Variants in CCDC192 observed in about 807,000 individuals in gnomAD.
CCDC192 encodes the protein coiled-coil domain-containing protein 192.
chr5:127,836,640 A>ACTTTGTGCACAG (rs1561515436), intron 5 of CCDC192, among the ~76,000 whole-genome samples: 1 of 84,962 alleles, frequency 1.2e-5, no homozygotes, highest in Non-Finnish European at 2.9e-5. Context: ...GTGCACCTGC[A>ACTTTGTGCACAG]GGCTCAACAC....
intron 3 of CCDC192, among the ~76,000 whole-genome samples, chr5:127,754,740 A>G (rs914349909): frequency 6.6e-6 from 1 of 152,270 alleles, no homozygotes; most frequent in Non-Finnish European, 1.5e-5. Context: ...GATAAGCTCA[A>G]AGATAAAATA....
At chr5:127,833,999 AAG>A (rs1298770533) in intron 5 of CCDC192, among the ~76,000 whole-genome samples, 3 of 152,266 alleles carry the variant, frequency 2.0e-5, no homozygotes, top group Non-Finnish European at 4.4e-5. Context: ...ACTTTGACAT[AAG>A]AATTATTTTG....
At chr5:127,936,584 GAA>G (rs1754191969) in intron 6 of CCDC192, among the ~76,000 whole-genome samples, 1 of 67,166 alleles carries the variant, frequency 1.5e-5, no homozygotes. Flanking sequence ...AGTCATAGAA[GAA>G]AGAGGGAAAA....
At chr5:127,885,573 G>T (rs190423362) in intron 6 of CCDC192, among the ~76,000 whole-genome samples, 30 of 152,254 alleles carry the variant, frequency 2.0e-4, no homozygotes, top group African/African-American at 6.7e-4. Context: ...TAGTAACTCA[G>T]TGTTTCCTTA....
chr5:127,707,141 AAAAG>A (rs1349393639), intron 1 of CCDC192, among the ~76,000 whole-genome samples: 1 of 152,228 alleles, frequency 6.6e-6, no homozygotes, highest in African/African-American at 2.4e-5. Context: ...GCTTTAGCAA[AAAAG>A]AAAGAAAACT....
chr5:127,830,912 CAT>C (rs934036471), intron 5 of CCDC192, among the ~76,000 whole-genome samples: 8 of 152,160 alleles, frequency 5.3e-5, no homozygotes, highest in Non-Finnish European at 8.8e-5. Flanking sequence ...ATCTTAAGGA[CAT>C]ATTTTGGCAA....
At chr5:127,899,300 A>C (rs1752978333) in intron 6 of CCDC192, among the ~76,000 whole-genome samples, 2 of 152,144 alleles carry the variant, frequency 1.3e-5, no homozygotes, top group Non-Finnish European at 2.9e-5. Flanking sequence ...TGTTCAAGAA[A>C]AGCAGTGGAA....
intron 2 of CCDC192, among the ~76,000 whole-genome samples, chr5:127,742,519 A>G (rs1457716188): frequency 6.6e-6 from 1 of 152,092 alleles, no homozygotes; most frequent in East Asian, 1.9e-4. Context: ...GAATTCAGGG[A>G]CTCTAGTTCT....
chr5:127,899,655 T>C (rs1292398446), intron 6 of CCDC192, among the ~76,000 whole-genome samples: 1 of 152,182 alleles, frequency 6.6e-6, no homozygotes, highest in Admixed American at 6.5e-5. Context: ...ATCTGTTGAT[T>C]CTAAGCTCGT....
chr5:127,831,454 G>T (rs1749793184), intron 5 of CCDC192, among the ~76,000 whole-genome samples: 1 of 151,900 alleles, frequency 6.6e-6, no homozygotes. Context: ...TGCATATTGG[G>T]CATTTTTATA....
chr5:127,902,337 A>G (rs1361958988), intron 6 of CCDC192, among the ~76,000 whole-genome samples: 1 of 151,784 alleles, frequency 6.6e-6, no homozygotes, highest in Non-Finnish European at 1.5e-5. Context: ...GAACATAACA[A>G]CAGGAAGCTA....
chr5:127,792,954 A>G (rs1756964288), intron 3 of CCDC192, among the ~76,000 whole-genome samples: 1 of 152,160 alleles, frequency 6.6e-6, no homozygotes, highest in Admixed American at 6.5e-5. Context: ...TAAAACAATC[A>G]CCAAACTTGA....
chr5:127,745,017 C>T (rs1246867993), intron 2 of CCDC192, among the ~76,000 whole-genome samples: 1 of 152,202 alleles, frequency 6.6e-6, no homozygotes, highest in African/African-American at 2.4e-5. Flanking sequence ...AAAGAAGTCA[C>T]TGTTATAGCC....
At chr5:127,902,435 C>A (rs1417654430) in intron 6 of CCDC192, among the ~76,000 whole-genome samples, 3 of 150,786 alleles carry the variant, frequency 2.0e-5, no homozygotes, top group Non-Finnish European at 3.0e-5. Flanking sequence ...AATGAACAAA[C>A]AAACAAAAAA....
chr5:127,841,471 A>T (rs1750283467), intron 5 of CCDC192, among the ~76,000 whole-genome samples: 2 of 151,610 alleles, frequency 1.3e-5, no homozygotes, highest in African/African-American at 2.4e-5. Flanking sequence ...GTGTTTGCCA[A>T]TTTTTTTTTA....
At chr5:127,784,637 G>T (rs966078300) in intron 3 of CCDC192, 84 of 694,400 alleles carry the variant, frequency 1.2e-4, no homozygotes, top group Non-Finnish European at 1.9e-4. Context: ...CTGTAGGTGT[G>T]CTTTTCACCA....
Position 127,778,548 on chromosome 5 carries a change from C to T in CCDC192, c.223-18555C>T, listed in dbSNP as rs535704882. On this transcript the variant is annotated intron_variant, in intron 3 of 6. Coordinates refer to ENST00000514853, the MANE Select transcript of CCDC192 (RefSeq NM_001317938.2). Reference sequence around the variant, plus strand: ...TGTTGAGGATTTCTGTATCTATATTCATAAAGGATATTAGGCTATAGTTTT... The same window carrying T: ...TGTTGAGGATTTCTGTATCTATATTTATAAAGGATATTAGGCTATAGTTTT... 4.0e-4 allele frequency among the ~76,000 whole-genome samples: 61 copies of T among 152,256 alleles called. No homozygotes were observed. In the South Asian group the frequency reaches 0.012, roughly 29 times the overall value.
chr5:127,782,812 T>G (rs1652577793), intron 3 of CCDC192, among the ~76,000 whole-genome samples: 1 of 152,150 alleles, frequency 6.6e-6, no homozygotes. Context: ...TTTCATTTAG[T>G]TCTGCTCTGA....
At chr5:127,716,468 GTTC>G (rs953708250) in intron 2 of CCDC192, among the ~76,000 whole-genome samples, 4 of 152,136 alleles carry the variant, frequency 2.6e-5, no homozygotes, top group African/African-American at 9.7e-5. Context: ...ATTGATATTA[GTTC>G]TTCTTTAAAT....
Sources: allele counts gnomAD v4.1 joint callset (sites outside exome capture counted in the v4.1 genomes callset), GRCh38; gene constraint gnomAD v4.1.1; transcripts MANE v1.5; gene names NCBI Gene and HGNC (gene_info 2026-07-23, HGNC 2026-07-21).